DIAPH2: variants seen among roughly 807,000 people sequenced by gnomAD.
DIAPH2 encodes protein diaphanous homolog 2.
In DIAPH2, 35 loss-of-function variants were observed where a neutral mutation model predicts 92.7. The ratio of observed to expected loss-of-function variants is 0.38; its 90% CI spans 0.29 to 0.50. The LOEUF is 0.50. Ranked by LOEUF, DIAPH2 falls within the 20% of genes least tolerant of loss-of-function variation. The pLI, the probability that DIAPH2 is intolerant of heterozygous loss-of-function variation, is 0.94. For missense variants in DIAPH2, 701 were observed against 819.5 expected (o/e 0.86, Z 1.77); for synonymous variants, 301 against 280.4 (o/e 1.07, Z -0.73).
At chrX:96,792,270 C>A (rs2064507430) in intron 4 of DIAPH2, among the ~76,000 whole-genome samples, 1 of 111,763 alleles carries the variant, frequency 8.9e-6, no homozygotes, top group Admixed American at 9.5e-5. Flanking sequence ...TACAAGCAGT[C>A]CTTGATTGCT....
At chrX:97,404,084 C>T (rs1181678943) in intron 25 of DIAPH2, among the ~76,000 whole-genome samples, 1 of 110,504 alleles carries the variant, frequency 9.0e-6, no homozygotes, top group Non-Finnish European at 1.9e-5. Flanking sequence ...AACTCCCGAC[C>T]TCAGGTGATC....
intron 26 of DIAPH2, among the ~76,000 whole-genome samples, chrX:97,567,924 G>C (rs903885720): frequency 9.2e-6 from 1 of 108,511 alleles, no homozygotes; most frequent in African/African-American, 3.4e-5. Context: ...AGACAAGCGT[G>C]ACCAACATGG....
chrX:97,122,758 G>A (rs918475043), intron 21 of DIAPH2, among the ~76,000 whole-genome samples: 25 of 111,203 alleles, frequency 2.2e-4, no homozygotes, highest in Admixed American at 1.9e-3. Context: ...GGGATGAAAT[G>A]TTAAGCCCTA....
intron 4 of DIAPH2, among the ~76,000 whole-genome samples, chrX:96,808,214 C>T (rs959796852): frequency 2.0e-4 from 22 of 109,605 alleles, no homozygotes; most frequent in African/African-American, 7.3e-4. Flanking sequence ...TTAACAAATA[C>T]TCACTAAATA....
At chrX:96,810,027 A>C (rs2064663835) in intron 4 of DIAPH2, among the ~76,000 whole-genome samples, 1 of 112,320 alleles carries the variant, frequency 8.9e-6, no homozygotes. Context: ...CTTTGGGTAT[A>C]TACCCAGTAA....
In DIAPH2 at chrX:97,554,737, T is replaced by A. The variant is rs201849417; in HGVS notation, c.3242-44516T>A. ...ACCTCTCTGTGCCTCATTTTCCTCA[T>A]CTGTAAAATGATAATCAGATTATAT... On this transcript the variant is annotated intron_variant, in intron 26 of 26. Transcript: ENST00000324765. 1.4e-4 allele frequency among the ~76,000 whole-genome samples: 16 copies of A among 112,136 alleles called. No homozygotes were observed. The East Asian group carries it at 4.5e-3, about 31-fold the overall frequency.
intron 26 of DIAPH2, among the ~76,000 whole-genome samples, chrX:97,533,613 G>A (rs1382972138): frequency 1.8e-5 from 2 of 110,106 alleles, no homozygotes; most frequent in Non-Finnish European, 3.8e-5. Flanking sequence ...TGTTAACTTC[G>A]ATCATCTGGT....
intron 10 of DIAPH2, among the ~76,000 whole-genome samples, chrX:96,936,175 A>T (rs776991506): frequency 5.4e-5 from 6 of 111,971 alleles, no homozygotes; most frequent in Non-Finnish European, 9.4e-5. Context: ...TATGCTCTGC[A>T]GGTAAATTTT....
chrX:97,286,293 C>T (rs2068542413), intron 23 of DIAPH2, among the ~76,000 whole-genome samples: 1 of 109,927 alleles, frequency 9.1e-6, no homozygotes, highest in Admixed American at 9.9e-5. Context: ...TTGTGATCTG[C>T]CCGCCTCAGC....
At chrX:97,545,479 G>A (rs2071172698) in intron 26 of DIAPH2, among the ~76,000 whole-genome samples, 1 of 99,380 alleles carries the variant, frequency 1.0e-5, no homozygotes, top group African/African-American at 3.8e-5. Context: ...AAAATGCATA[G>A]GTAACAATGT....
At chrX:97,217,019 TTAA>T (rs2067889078) in intron 22 of DIAPH2, among the ~76,000 whole-genome samples, 1 of 111,880 alleles carries the variant, frequency 8.9e-6, no homozygotes, top group Non-Finnish European at 1.9e-5. Flanking sequence ...GGAATTGAAT[TTAA>T]TAATATTAAT....
chrX:97,324,534 C>T (rs5921784), intron 23 of DIAPH2, among the ~76,000 whole-genome samples: 2,625 of 111,707 alleles, frequency 0.023, 28 homozygotes, highest in Middle Eastern at 0.042. Context: ...TTTTTAATGA[C>T]GGCATCTCAA....
intron 23 of DIAPH2, among the ~76,000 whole-genome samples, chrX:97,296,827 G>T (rs1165016034): frequency 4.6e-5 from 5 of 107,783 alleles, no homozygotes; most frequent in African/African-American, 1.7e-4. Flanking sequence ...GCCCAGGCTG[G>T]AGTGCAGTGG....
chrX:97,383,452 A>G (rs182326207), intron 24 of DIAPH2, among the ~76,000 whole-genome samples: 14 of 109,985 alleles, frequency 1.3e-4, no homozygotes, highest in Admixed American at 8.0e-4. Flanking sequence ...TGCAGATAAC[A>G]GAAAAGTACA....
chrX:97,298,864 C>G (rs774221441), intron 23 of DIAPH2, among the ~76,000 whole-genome samples: 1 of 110,733 alleles, frequency 9.0e-6, no homozygotes. Context: ...GTGATCCGCC[C>G]GCCTCCGCCT....
intron 23 of DIAPH2, among the ~76,000 whole-genome samples, chrX:97,286,874 T>C (rs1416919561): frequency 1.8e-5 from 2 of 111,302 alleles, no homozygotes; most frequent in Admixed American, 1.9e-4. Context: ...AATAGCCTGA[T>C]CAATGTCCCT....
At chrX:97,218,717 T>C (rs1342219662) in intron 22 of DIAPH2, among the ~76,000 whole-genome samples, 1 of 111,901 alleles carries the variant, frequency 8.9e-6, no homozygotes, top group East Asian at 2.8e-4. Context: ...TAAAATGGCC[T>C]AATATTTGCA....
rs149595440 is a variant in DIAPH2 at position 96,723,916 on chromosome X, ATT to A, written c.133-11818_133-11817del. On this transcript the variant is annotated intron_variant, in intron 1 of 26. Coordinates refer to ENST00000324765, the MANE Select transcript of DIAPH2 (RefSeq NM_006729.5). ...GTAACCCCATAAGAGTGATTCTATAATTTTTTTTTTTTTTTTTTTTTTTTTGA... is the reference window on the plus strand; with the variant it reads ...GTAACCCCATAAGAGTGATTCTATAATTTTTTTTTTTTTTTTTTTTTTTGA... Among the ~76,000 whole-genome samples the A allele has an allele frequency of 4.2e-3, 300 of 71,197 alleles. 1 individual carries two copies. The highest frequency in any genetic ancestry group is 0.016 in the African/African-American group (280 of 17,402). The allele number at this position is 71,197 out of a possible 115,157, so 61.8% of individuals were successfully genotyped here. A position where few individuals can be genotyped will look rare whatever the true frequency, so the allele number is the denominator to read the frequency against.
intron 17 of DIAPH2, among the ~76,000 whole-genome samples, chrX:97,001,032 T>G (rs2147855741): frequency 8.9e-6 from 1 of 112,438 alleles, no homozygotes; most frequent in South Asian, 3.7e-4. Flanking sequence ...TGAAGAGAGT[T>G]AACTATGCCT....
Sources: allele counts gnomAD v4.1 joint callset (sites outside exome capture counted in the v4.1 genomes callset), GRCh38; gene constraint gnomAD v4.1.1; transcripts MANE v1.5; gene names NCBI Gene and HGNC (gene_info 2026-07-23, HGNC 2026-07-21).